POU6F2: variants seen among roughly 807,000 people sequenced by gnomAD.
POU6F2 encodes the protein POU domain, class 6, transcription factor 2.
Under a neutral mutation model 71.3 loss-of-function variants are expected in POU6F2, and 31 were observed. The observed-to-expected ratio is 0.43, with a 90% CI of 0.33 to 0.59. POU6F2 has a LOEUF of 0.59. POU6F2 is among the 20% of genes least tolerant of loss of function. POU6F2 has a pLI of 0.04. For synonymous variants in POU6F2, 347 were observed against 355.7 expected (o/e 0.98, Z 0.27); for missense variants, 783 against 856.8 (o/e 0.91, Z 1.07).
intron 1 of POU6F2, among the ~76,000 whole-genome samples, chr7:39,050,453 A>G (rs1790381528): frequency 6.6e-6 from 1 of 152,096 alleles, no homozygotes; most frequent in African/African-American, 2.4e-5. Context: ...GGATATGTGA[A>G]CAGCTTGGAC....
At chr7:39,443,050 A>G (rs895847795) in intron 7 of POU6F2, among the ~76,000 whole-genome samples, 1 of 152,164 alleles carries the variant, frequency 6.6e-6, no homozygotes, top group Non-Finnish European at 1.5e-5. Context: ...ATCCATTTCC[A>G]TAGTCTCTCT....
intron 1 of POU6F2, among the ~76,000 whole-genome samples, chr7:39,011,930 G>A (rs1789301651): frequency 6.6e-6 from 1 of 151,928 alleles, no homozygotes; most frequent in East Asian, 1.9e-4. Flanking sequence ...AGGGTAACCC[G>A]ACCTTTCTCT....
At position 39,339,685 on chromosome 7, in the gene POU6F2, GCTC is replaced by G. The variant is rs765313377; in HGVS notation, c.644_646del (p.Leu215del). 3.1e-6 allele frequency: 5 copies of G among 1,603,496 alleles called. No homozygotes were observed. In the South Asian group the frequency reaches 4.4e-5, roughly 14 times the overall value. Reference sequence around the variant, plus strand: ...CCCAGCTCCAGCAGCTCCAGCTCCAGCTCCAGCAGCAGCAGCAGCAGCAGCAGC... The same window carrying G: ...CCCAGCTCCAGCAGCTCCAGCTCCAGCAGCAGCAGCAGCAGCAGCAGCAGC... On this transcript the variant is annotated inframe_deletion, in exon 5 of 10. Transcript: ENST00000518318.
chr7:39,260,725 A>G (rs961554110), intron 4 of POU6F2, among the ~76,000 whole-genome samples: 2 of 151,856 alleles, frequency 1.3e-5, no homozygotes, highest in African/African-American at 2.4e-5. Flanking sequence ...CACATATACT[A>G]CACCACCTGC....
At chr7:39,274,722 C>A (rs1326935152) in intron 4 of POU6F2, among the ~76,000 whole-genome samples, 2 of 100,242 alleles carry the variant, frequency 2.0e-5, no homozygotes, top group Non-Finnish European at 4.0e-5. Context: ...GGGCTTCATC[C>A]CTGGGATGCA....
rs10246249 is a variant in POU6F2 at position 39,225,338 on chromosome 7, A to G, written c.598+17718A>G. On this transcript the variant is annotated intron_variant, in intron 4 of 9. Transcript: ENST00000518318. ...CGAAAAGAGGGCTGTTTTATAATAC[A>G]TTTTTTTTGGTTCCTAACTGCCCAA... 6.9e-3 allele frequency among the ~76,000 whole-genome samples: 1,054 copies of G among 152,016 alleles called. 13 individuals are homozygous for G. The highest frequency in any genetic ancestry group is 0.023 in the African/African-American group (954 of 41,474).
At chr7:39,075,876 A>G (rs1790991874) in intron 1 of POU6F2, among the ~76,000 whole-genome samples, 1 of 152,140 alleles carries the variant, frequency 6.6e-6, no homozygotes, top group African/African-American at 2.4e-5. Flanking sequence ...TCTCCCATTC[A>G]ACTTCAGTCC....
At chr7:39,375,248 G>A (rs545050413) in intron 5 of POU6F2, among the ~76,000 whole-genome samples, 48 of 152,190 alleles carry the variant, frequency 3.2e-4, no homozygotes, top group Middle Eastern at 6.8e-3. Context: ...ACCCGGGAGC[G>A]AGACCACAAG....
intron 8 of POU6F2, among the ~76,000 whole-genome samples, chr7:39,455,842 A>G (rs1788788686): frequency 6.6e-6 from 1 of 152,214 alleles, no homozygotes; most frequent in South Asian, 2.1e-4. Context: ...GTTTGTTTTC[A>G]CACAGTTTGC....
At chr7:39,003,717 C>G (rs1225888094) in intron 1 of POU6F2, among the ~76,000 whole-genome samples, 1 of 151,300 alleles carries the variant, frequency 6.6e-6, no homozygotes, top group Non-Finnish European at 1.5e-5. Context: ...CCACTGAACT[C>G]CAGCCTGGGC....
intron 4 of POU6F2, among the ~76,000 whole-genome samples, chr7:39,302,571 C>G (rs933611024): frequency 6.6e-6 from 1 of 152,200 alleles, no homozygotes; most frequent in Non-Finnish European, 1.5e-5. Flanking sequence ...GAGGCTATGT[C>G]TTATCATTGC....
intron 4 of POU6F2, among the ~76,000 whole-genome samples, chr7:39,303,297 T>C (rs1282441817): frequency 6.6e-6 from 1 of 151,962 alleles, no homozygotes; most frequent in Non-Finnish European, 1.5e-5. Flanking sequence ...ATAGGCACCC[T>C]CCGCCGCGCC....
chr7:39,260,222 A>G (rs1784106388), intron 4 of POU6F2, among the ~76,000 whole-genome samples: 1 of 148,328 alleles, frequency 6.7e-6, no homozygotes, highest in East Asian at 2.0e-4. Flanking sequence ...CACACACTAT[A>G]CACATGCAAT....
At chr7:39,268,695 A>T (rs1784293484) in intron 4 of POU6F2, among the ~76,000 whole-genome samples, 1 of 152,206 alleles carries the variant, frequency 6.6e-6, no homozygotes, top group South Asian at 2.1e-4. Context: ...TCTTTCTATG[A>T]TGATGTGAGC....
Position 39,188,322 on chromosome 7 carries a change from A to T in POU6F2, c.278-15913A>T, listed in dbSNP as rs190470439. On this transcript the variant is annotated intron_variant, in intron 2 of 9. Transcript: ENST00000518318. ...ATGGTGGTCAGAATCTTTTTTTAAA[A>T]TTTTTTTTGAGACAGAGTCTCGCTC... 1.6e-3 allele frequency among the ~76,000 whole-genome samples: 238 copies of T among 152,030 alleles called. 1 individual carries two copies. Among genetic ancestry groups the T allele is most frequent in the African/African-American group, 5.6e-3 (232 of 41,472 alleles).
chr7:39,454,848 C>T (rs944972829), intron 8 of POU6F2, among the ~76,000 whole-genome samples: 3 of 150,574 alleles, frequency 2.0e-5, no homozygotes, highest in Non-Finnish European at 4.4e-5. Context: ...GGCTAACCTG[C>T]CATATGCCAG....
intron 6 of POU6F2, among the ~76,000 whole-genome samples, chr7:39,421,742 A>G (rs1215790990): frequency 1.3e-5 from 2 of 151,630 alleles, no homozygotes; most frequent in African/African-American, 4.8e-5. Flanking sequence ...TTTTTTTCTC[A>G]TTTGGGAAGA....
chr7:39,370,310 A>G (rs12112401), intron 5 of POU6F2, among the ~76,000 whole-genome samples: 25,558 of 152,186 alleles, frequency 0.17, 2,411 homozygotes, highest in Admixed American at 0.24. Flanking sequence ...AGGCAAGACT[A>G]ACGTGCAACA....
chr7:39,208,220 G>A (rs1794063493), intron 4 of POU6F2, among the ~76,000 whole-genome samples: 1 of 152,188 alleles, frequency 6.6e-6, no homozygotes, highest in Admixed American at 6.5e-5. Flanking sequence ...TTTTACTTAG[G>A]AAGGGTAGTT....
Sources: allele counts gnomAD v4.1 joint callset (sites outside exome capture counted in the v4.1 genomes callset), GRCh38; gene constraint gnomAD v4.1.1; transcripts MANE v1.5; gene names NCBI Gene and HGNC (gene_info 2026-07-23, HGNC 2026-07-21).